The following OSBPL3 variants were observed in gnomAD, a reference collection of about 807,000 sequenced individuals.
OSBPL3 encodes oxysterol-binding protein-related protein 3.
OSBPL3 carries 65 observed loss-of-function variants against 120.1 expected under a neutral mutation model. That is an observed-to-expected ratio of 0.54 (90% CI 0.44 to 0.67). The LOEUF (loss-of-function observed/expected upper bound fraction) is 0.67, where lower values mean the gene tolerates loss of function less well. Ranked by LOEUF, OSBPL3 falls within the 30% of genes least tolerant of loss-of-function variation. The pLI, the probability that OSBPL3 is intolerant of heterozygous loss-of-function variation, is 0.00. For missense variants in OSBPL3, 1,004 were observed against 1,082.1 expected (o/e 0.93, Z 1.01); for synonymous variants, 416 against 402.6 (o/e 1.03, Z -0.40).
At chr7:24,941,274 T>G (rs1210688847) in intron 1 of OSBPL3, among the ~76,000 whole-genome samples, 1 of 152,222 alleles carries the variant, frequency 6.6e-6, no homozygotes, top group African/African-American at 2.4e-5. Context: ...TGGGTCTTAC[T>G]TCTTATCAAT....
intron 2 of OSBPL3, among the ~76,000 whole-genome samples, chr7:24,889,479 T>C (rs1232193830): frequency 6.6e-6 from 1 of 151,694 alleles, no homozygotes; most frequent in African/African-American, 2.4e-5. Flanking sequence ...CTATGGGGGG[T>C]GATGGGTATA....
chr7:24,843,625 T>C (rs1193716418), intron 12 of OSBPL3, among the ~76,000 whole-genome samples: 3 of 152,206 alleles, frequency 2.0e-5, no homozygotes, highest in Non-Finnish European at 2.9e-5. Flanking sequence ...TTAATATGTA[T>C]CTACAAACTG....
At chr7:24,869,282 T>C (rs982626907) in intron 5 of OSBPL3, among the ~76,000 whole-genome samples, 56 of 152,318 alleles carry the variant, frequency 3.7e-4, no homozygotes, top group African/African-American at 1.3e-3. Flanking sequence ...TTAACCAGAA[T>C]AGTGGGTAAA....
intron 1 of OSBPL3, among the ~76,000 whole-genome samples, chr7:24,921,341 A>G (rs2128448805): frequency 6.6e-6 from 1 of 152,342 alleles, no homozygotes; most frequent in Non-Finnish European, 1.5e-5. Flanking sequence ...AAAAGCCTGA[A>G]CTGCATTGTC....
chr7:24,828,024 T>C (rs1490883715), intron 16 of OSBPL3, among the ~76,000 whole-genome samples: 3 of 152,188 alleles, frequency 2.0e-5, no homozygotes, highest in African/African-American at 7.2e-5. Context: ...CCTCTTACTA[T>C]TCTTTTCCCT....
chr7:24,801,265 A>G (rs929447581), intron 22 of OSBPL3, among the ~76,000 whole-genome samples: 7 of 149,888 alleles, frequency 4.7e-5, no homozygotes, highest in Non-Finnish European at 8.9e-5. Context: ...AAAAAAAAAA[A>G]GTAATTGAAA....
At chr7:24,907,107 C>G (rs543791924) in intron 1 of OSBPL3, among the ~76,000 whole-genome samples, 71 of 152,144 alleles carry the variant, frequency 4.7e-4, no homozygotes, top group African/African-American at 1.5e-3. Flanking sequence ...TCATCACCCC[C>G]CAATGTGTTT....
Position 24,854,502 on chromosome 7 carries a change from G to GCACACACA in OSBPL3, c.1028-1876_1028-1869dup, listed in dbSNP as rs70942889. Among the ~76,000 whole-genome samples the GCACACACA allele has an allele frequency of 1.1e-3, 139 of 131,584 alleles. 1 individual carries two copies. The highest frequency in any genetic ancestry group is 3.5e-3 in the African/African-American group (127 of 35,934). The allele number at this position is 131,584 out of a possible 152,430, so 86.3% of individuals were successfully genotyped here. On this transcript the variant is annotated intron_variant, in intron 10 of 22. Coordinates refer to ENST00000313367, the MANE Select transcript of OSBPL3 (RefSeq NM_015550.4). The surrounding 1 kb of genome is among the most constrained non-coding windows in gnomAD (Gnocchi z 4.1). ...CACAACAATTTGTACACACACACAC[G>GCACACACA]CACACACACACACACACACACACAC... is the stretch of plus-strand genomic sequence containing the variant.
chr7:24,843,402 C>A (rs145018817), intron 12 of OSBPL3, among the ~76,000 whole-genome samples: 1 of 152,094 alleles, frequency 6.6e-6, no homozygotes, highest in Non-Finnish European at 1.5e-5. Flanking sequence ...TAAAACCACT[C>A]GTATTTTTTA....
In OSBPL3 at chr7:24,806,949, G is replaced by A; in HGVS notation, c.2318-47C>T. 1 of 1,520,340 alleles carries A rather than the reference G, an allele frequency of 6.6e-7. No individual in the cohort carries two copies. The highest frequency in any genetic ancestry group is 8.9e-7 in the Non-Finnish European group (1 of 1,125,388). The allele number at this position is 1,520,340 out of a possible 1,614,324, so 94.2% of individuals were successfully genotyped here. On this transcript the variant is annotated intron_variant, in intron 20 of 22. Coordinates refer to ENST00000313367, the MANE Select transcript of OSBPL3 (RefSeq NM_015550.4). The surrounding 1 kb of genome is among the most constrained non-coding windows in gnomAD (Gnocchi z 5.2). Reference sequence around the variant, plus strand: ...CACCCCTAACTTGCATGTTACTTATGTTACATTTTAATTCCTTCACCTTTT... The same window carrying A: ...CACCCCTAACTTGCATGTTACTTATATTACATTTTAATTCCTTCACCTTTT...
At chr7:24,945,588 T>C (rs1420125942) in intron 1 of OSBPL3, among the ~76,000 whole-genome samples, 1 of 152,198 alleles carries the variant, frequency 6.6e-6, no homozygotes, top group East Asian at 1.9e-4. Context: ...TGGTTGAACA[T>C]GTTGAAAGTG....
intron 2 of OSBPL3, among the ~76,000 whole-genome samples, chr7:24,874,560 C>T (rs11981517): frequency 0.44 from 67,555 of 151,950 alleles, 16,482 homozygotes; most frequent in East Asian, 0.84. Context: ...TAGAACTGGA[C>T]TGTTCCTCCT....
chr7:24,847,014 G>A (rs551181940), intron 12 of OSBPL3, among the ~76,000 whole-genome samples: 252 of 146,132 alleles, frequency 1.7e-3, no homozygotes, highest in Non-Finnish European at 2.8e-3. Flanking sequence ...GAGCCGAAAA[G>A]GTGCCACTGC....
At position 24,894,459 on chromosome 7, in the gene OSBPL3, T is replaced by C. The variant is rs1347304954; in HGVS notation, c.-149-1838A>G. On this transcript the variant is annotated intron_variant, in intron 1 of 22. Coordinates refer to ENST00000313367, the MANE Select transcript of OSBPL3 (RefSeq NM_015550.4). The surrounding 1 kb of genome is among the most constrained non-coding windows in gnomAD (Gnocchi z 4.1). ...AGCAAGAGAGTACTGTAAAGATATA[T>C]TAATAGTTTGTGGAAAAGCAGTGTT... is the stretch of plus-strand genomic sequence containing the variant. 6.6e-6 allele frequency among the ~76,000 whole-genome samples: 1 copy of C among 151,942 alleles called. No homozygotes were observed. The highest frequency in any genetic ancestry group is 1.5e-5 in the Non-Finnish European group (1 of 68,012).
At position 24,916,166 on chromosome 7, in the gene OSBPL3, C is replaced by T. The variant is rs1197575548; in HGVS notation, c.-149-23545G>A. Among the ~76,000 whole-genome samples the T allele has an allele frequency of 3.3e-5, 5 of 152,194 alleles. No individual in the cohort carries two copies. The highest frequency in any genetic ancestry group is 1.2e-4 in the African/African-American group (5 of 41,448). ...TCTTCTGAACCTAAGAGAACAAATA[C>T]TCTTATGCTACAGAATTACTTTTCA... On this transcript the variant is annotated intron_variant, in intron 1 of 22. Coordinates refer to ENST00000313367, the MANE Select transcript of OSBPL3 (RefSeq NM_015550.4). The surrounding 1 kb of genome is among the most constrained non-coding windows in gnomAD (Gnocchi z 4.9).
chr7:24,967,928 ATC>A lies in OSBPL3; in HGVS notation c.-150+11956_-150+11957del, dbSNP rs1185361579. On this transcript the variant is annotated intron_variant, in intron 1 of 22. Coordinates refer to ENST00000313367, the MANE Select transcript of OSBPL3 (RefSeq NM_015550.4). The surrounding 1 kb of genome is among the most constrained non-coding windows in gnomAD (Gnocchi z 5.6). Reference sequence around the variant, plus strand: ...ACCAAAAGCACTCTCTTTCTCTAAGATCTACTCATCTTCCTATTTTCCCCAGC... The same window carrying A: ...ACCAAAAGCACTCTCTTTCTCTAAGATACTCATCTTCCTATTTTCCCCAGC... Among the ~76,000 whole-genome samples the A allele has an allele frequency of 6.6e-6, 1 of 152,178 alleles. No homozygotes were observed. Among genetic ancestry groups the A allele is most frequent in the Non-Finnish European group, 1.5e-5 (1 of 68,036 alleles).
intron 1 of OSBPL3, among the ~76,000 whole-genome samples, chr7:24,957,289 A>G (rs1010060746): frequency 1.3e-5 from 2 of 152,180 alleles, no homozygotes; most frequent in Admixed American, 1.3e-4. Context: ...AGCAAAAAAC[A>G]AAAAACAGGA....
chr7:24,814,867 G>A (rs138384931), intron 19 of OSBPL3, among the ~76,000 whole-genome samples, 192 bp downstream of exon 19: 1 of 152,360 alleles, frequency 6.6e-6, no homozygotes, highest in African/African-American at 2.4e-5. Flanking sequence ...GACCTTAGGG[G>A]AGTAAGAGGC....
intron 10 of OSBPL3, among the ~76,000 whole-genome samples, chr7:24,856,876 G>A (rs572667581): frequency 2.0e-5 from 3 of 152,132 alleles, no homozygotes; most frequent in Non-Finnish European, 4.4e-5. Context: ...CTCACAGGAT[G>A]CCCATGATTT....
Sources: gnomAD v4.1 joint callset for allele counts (sites outside exome capture counted in the v4.1 genomes callset) on GRCh38, gnomAD v4.1.1 for gene constraint, Gnocchi (gnomAD v3.1) non-coding constraint, MANE v1.5 for transcripts, NCBI Gene and HGNC (gene_info 2026-07-23, HGNC 2026-07-21) for gene names.